Variants in KSR1 observed in about 807,000 individuals in gnomAD.
KSR1 encodes the protein kinase suppressor of ras 1, also known as kinase suppressor of ras.
Under a neutral mutation model 92.9 loss-of-function variants are expected in KSR1, and 35 were observed. That is an observed-to-expected ratio of 0.38 (90% CI 0.29 to 0.50). The LOEUF (loss-of-function observed/expected upper bound fraction) is 0.50. KSR1 is among the 20% of genes least tolerant of loss of function. The pLI is 0.94. For synonymous variants in KSR1, 467 were observed against 472.6 expected, an observed-to-expected ratio of 0.99 and a Z score of 0.15; for missense variants, 972 against 1,158.5, an observed-to-expected ratio of 0.84 and a Z score of 2.34.
intron 1 of KSR1, among the ~76,000 whole-genome samples, chr17:27,481,106 A>G (rs1219989294): frequency 6.6e-6 from 1 of 152,192 alleles, no homozygotes; most frequent in Non-Finnish European, 1.5e-5. Context: ...ACATGAAACC[A>G]TATACCTCAA....
chr17:27,467,382 C>T (rs1054191689), intron 1 of KSR1, among the ~76,000 whole-genome samples: 5 of 152,196 alleles, frequency 3.3e-5, no homozygotes, highest in East Asian at 3.8e-4. Context: ...TTTTTGCCCT[C>T]TGAAGGTTTA....
At chr17:27,468,918 A>G (rs1382847056) in intron 1 of KSR1, among the ~76,000 whole-genome samples, 1 of 152,060 alleles carries the variant, frequency 6.6e-6, no homozygotes, top group Non-Finnish European at 1.5e-5. Flanking sequence ...GCGGAATCCC[A>G]CTGTGCACAT....
intron 1 of KSR1, among the ~76,000 whole-genome samples, chr17:27,535,366 G>C (rs868189354): frequency 6.6e-6 from 1 of 152,174 alleles, no homozygotes; most frequent in Non-Finnish European, 1.5e-5. Context: ...ATTGGTGTGC[G>C]CCACAGAAAG....
intron 1 of KSR1, among the ~76,000 whole-genome samples, chr17:27,514,421 G>C (rs1327315651): frequency 6.6e-6 from 1 of 152,150 alleles, no homozygotes; most frequent in Non-Finnish European, 1.5e-5. Flanking sequence ...CACTTTGAGG[G>C]GCTGAGATAG....
At position 27,522,899 on chromosome 17, in the gene KSR1, G is replaced by T. The variant is rs527271802; in HGVS notation, c.232-27669G>T. ...GGGGAGAGTAGCTCAGGGGATTCCT[G>T]TGTTTCTGCTGTAGCTAGTTCAGGG... On this transcript the variant is annotated intron_variant, in intron 1 of 20. Coordinates refer to ENST00000644974, the MANE Select transcript of KSR1 (RefSeq NM_001394583.1). 2.0e-5 allele frequency among the ~76,000 whole-genome samples: 3 copies of T among 152,294 alleles called. No homozygotes were observed. The South Asian group carries it at 6.2e-4, about 32-fold the overall frequency.
At position 27,582,620 on chromosome 17, in the gene KSR1, C is replaced by T. The variant is rs372105009; in HGVS notation, c.521-26C>T. ...GTGAATTCCTTCCAGCCCTGACCAT[C>T]TGTGACTCCACGTCTTGGTCCACAG... On this transcript the variant is annotated intron_variant, in intron 3 of 20. Transcript: ENST00000644974. 5.7e-6 allele frequency: 9 copies of T among 1,581,070 alleles called. No homozygotes were observed. The African/African-American group carries it at 1.1e-4, about 19-fold the overall frequency.
At chr17:27,487,415 A>G (rs567770425) in intron 1 of KSR1, among the ~76,000 whole-genome samples, 25 of 152,138 alleles carry the variant, frequency 1.6e-4, no homozygotes, top group Admixed American at 1.3e-3. Flanking sequence ...AGCCTGCGTG[A>G]CAGGAGCGAG....
intron 2 of KSR1, among the ~76,000 whole-genome samples, chr17:27,574,159 G>A (rs570092358): frequency 1.4e-3 from 213 of 152,312 alleles, no homozygotes; most frequent in African/African-American, 4.3e-3. Context: ...ATAAGGTGAA[G>A]GTTGCTCTTG....
intron 1 of KSR1, among the ~76,000 whole-genome samples, chr17:27,472,275 G>C (rs1473189972): frequency 2.6e-5 from 4 of 152,228 alleles, no homozygotes; most frequent in Non-Finnish European, 4.4e-5. Flanking sequence ...GGGCAAAGAA[G>C]GGGTTATGAG....
intron 1 of KSR1, among the ~76,000 whole-genome samples, chr17:27,482,748 C>T (rs545153565): frequency 6.6e-6 from 1 of 152,246 alleles, no homozygotes; most frequent in Non-Finnish European, 1.5e-5. Context: ...AACAGGTTAC[C>T]AAACAGTATG....
chr17:27,508,627 C>T (rs1319944324), intron 1 of KSR1, among the ~76,000 whole-genome samples: 1 of 152,146 alleles, frequency 6.6e-6, no homozygotes, highest in Non-Finnish European at 1.5e-5. Flanking sequence ...ACAGGAGGTG[C>T]AGGAAGGGCA....
intron 2 of KSR1, among the ~76,000 whole-genome samples, chr17:27,575,005 A>T (rs1306446159): frequency 6.6e-6 from 1 of 152,224 alleles, no homozygotes; most frequent in Non-Finnish European, 1.5e-5. Flanking sequence ...TTGAGACCAG[A>T]GGCATGTCCC....
At chr17:27,542,020 T>C (rs2070985863) in intron 1 of KSR1, among the ~76,000 whole-genome samples, 1 of 152,156 alleles carries the variant, frequency 6.6e-6, no homozygotes, top group Non-Finnish European at 1.5e-5. Context: ...TCTGGAAGGG[T>C]CTGTAGTATT....
chr17:27,601,462 C>G, intron 11 of KSR1, 61 bp downstream of exon 11: 9 of 1,427,628 alleles, frequency 6.3e-6, no homozygotes, highest in Non-Finnish European at 7.9e-6. Flanking sequence ...GTCCTGCCCA[C>G]CTGGGCAGGG....
intron 1 of KSR1, among the ~76,000 whole-genome samples, chr17:27,471,697 G>A (rs895977757): frequency 6.6e-6 from 1 of 152,134 alleles, no homozygotes; most frequent in Admixed American, 6.5e-5. Flanking sequence ...TTCCCCCTCC[G>A]CCCTCCTGGC....
At position 27,607,982 on chromosome 17, in the gene KSR1, C is replaced by A. The variant is rs369713079; in HGVS notation, c.2063C>A (p.Thr688Lys). 3 of 1,609,724 alleles carry A rather than the reference C, an allele frequency of 1.9e-6. No homozygotes were observed. In the African/African-American group the frequency reaches 4.0e-5, roughly 22 times the overall value. Residue 688 changes from threonine to lysine, a missense_variant, in exon 15 of 21, where the codon ACG becomes AAG. Around this residue, in one of 5 missense-constraint regions of KSR1, gnomAD observed 260 missense variants for 375.2 expected, o/e 0.69. Coordinates refer to ENST00000644974, the MANE Select transcript of KSR1 (RefSeq NM_001394583.1). The part of the protein sequence containing the change: ...DPKTSLDINK[T>K]RQIAQEIIKG... ...AAGACGTCTCTGGACATCAACAAGA[C>A]GAGGCAAATCGCTCAGGAGATCATC...
At chr17:27,603,615 GAC>G (rs1482815682) in intron 11 of KSR1, among the ~76,000 whole-genome samples, 3 of 152,186 alleles carry the variant, frequency 2.0e-5, no homozygotes, top group African/African-American at 7.2e-5. Context: ...CCCTTCCTGA[GAC>G]ACAGCTGTGT....
Position 27,611,750 on chromosome 17 carries a change from C to T in KSR1, c.2493+121C>T, listed in dbSNP as rs539809421. The T allele has an allele frequency of 6.0e-5, 68 of 1,128,402 alleles. No homozygotes were observed. The African/African-American group carries it at 6.6e-4, about 11-fold the overall frequency. 69.9% of individuals were successfully genotyped at this position (1,128,402 alleles called of 1,614,324 possible). ...TCGGTGAGGAGCTCTGCCACCTGCACGTGTCTAGCTAGAGATGAAAATGAT... is the reference window on the plus strand; with the variant it reads ...TCGGTGAGGAGCTCTGCCACCTGCATGTGTCTAGCTAGAGATGAAAATGAT... On this transcript the variant is annotated intron_variant, in intron 18 of 20. Coordinates refer to ENST00000644974, the MANE Select transcript of KSR1 (RefSeq NM_001394583.1).
At chr17:27,491,386 C>G (rs560790297) in intron 1 of KSR1, among the ~76,000 whole-genome samples, 4 of 151,530 alleles carry the variant, frequency 2.6e-5, no homozygotes, top group African/African-American at 4.9e-5. Flanking sequence ...TGGAATGTCT[C>G]GCTTTCTTGC....
Sources: gnomAD v4.1 joint callset for allele counts (sites outside exome capture counted in the v4.1 genomes callset) on GRCh38, gnomAD v4.1.1 for gene constraint, gnomAD v4.1.1 regional missense constraint, MANE v1.5 for transcripts, NCBI Gene and HGNC (gene_info 2026-07-23, HGNC 2026-07-21) for gene names.